OR2AG2: variants seen among roughly 807,000 people sequenced by gnomAD.
OR2AG2 encodes olfactory receptor 2AG2.
For synonymous variants in OR2AG2, 167 were observed against 157.1 expected, an observed-to-expected ratio of 1.06 and a Z score of -0.47; for missense variants, 390 against 391.9, an observed-to-expected ratio of 1.00 and a Z score of 0.04.
chr11:6,766,958 A>C lies in OR2AG2; in HGVS notation c.*1049T>G, dbSNP rs1847381663. 2.0e-5 allele frequency: 3 copies of C among 152,148 alleles called. No individual in the cohort carries two copies. The highest frequency in any genetic ancestry group is 7.2e-5 in the African/African-American group (3 of 41,462). 9.4% of individuals were successfully genotyped at this position (152,148 alleles called of 1,614,324 possible). ...AAACTGGTACTTTCAATTCTATTTT[A>C]TTCATTCTTTATTTTAGTTTTAATT... On this transcript the variant is annotated 3_prime_UTR_variant, in exon 2 of 2. Transcript: ENST00000641124.
rs756956653 is a variant in OR2AG2, at chr11:6,768,525, C to G, written c.433G>C (p.Val145Leu). The G allele has an allele frequency of 6.2e-7, 1 of 1,613,964 alleles. No individual in the cohort carries two copies. Among genetic ancestry groups the G allele is most frequent in the Admixed American group, 1.7e-5 (1 of 59,994 alleles). Residue 145 changes from valine (V) to leucine (L), a missense_variant, in exon 2 of 2, where the codon GTG becomes CTG. Val to Leu is a conservative substitution (Grantham distance 32). Transcript: ENST00000641124. ...GATGCCAGGATCCAGGATGTGGCCA[C>G]CATGATCCAGCAGACTCTTGGGCTC... ...LMSPRVCWIM[V>L]ATSWILASLI...
At chr11:6,770,893 C>G (rs981643740) in intron 1 of OR2AG2, among the ~76,000 whole-genome samples, 1 of 152,130 alleles carries the variant, frequency 6.6e-6, no homozygotes. Flanking sequence ...TACCTACCTC[C>G]TCCCTCTGAT....
At chr11:6,769,661 G>T (rs1847428526) in intron 1 of OR2AG2, among the ~76,000 whole-genome samples, 167 bp from the exon 2 acceptor site, 1 of 152,198 alleles carries the variant, frequency 6.6e-6, no homozygotes, top group Admixed American at 6.5e-5. Flanking sequence ...GGCATGGCAG[G>T]TGTTTGTGTT....
chr11:6,771,899 C>T lies in OR2AG2; in HGVS notation c.-815G>A, dbSNP rs1483390171. On this transcript the variant is annotated 5_prime_UTR_variant, in exon 1 of 2. Coordinates refer to ENST00000641124, the MANE Select transcript of OR2AG2 (RefSeq NM_001004490.2). Reference sequence around the variant, plus strand: ...CACTGTCCTTGCGAGAAAGTCCTTACTGCTTTGGAATGGTTCTAGCTGAGT... The same window carrying T: ...CACTGTCCTTGCGAGAAAGTCCTTATTGCTTTGGAATGGTTCTAGCTGAGT... The T allele has an allele frequency of 6.6e-6, 1 of 152,234 alleles. No individual in the cohort carries two copies. The highest frequency in any genetic ancestry group is 2.4e-5 in the African/African-American group (1 of 41,450). The allele number at this position is 152,234 out of a possible 1,614,324, so 9.4% of individuals were successfully genotyped here. A position where few individuals can be genotyped will look rare whatever the true frequency, so the allele number is the denominator to read the frequency against.
chr11:6,767,939 A>G lies in OR2AG2; in HGVS notation c.*68T>C. 1 of 1,289,010 alleles carries G rather than the reference A, an allele frequency of 7.8e-7. No homozygotes were observed. The highest frequency in any genetic ancestry group is 1.1e-6 in the Non-Finnish European group (1 of 924,354). The allele number at this position is 1,289,010 out of a possible 1,614,324, so 79.8% of individuals were successfully genotyped here. Reference sequence around the variant, plus strand: ...TGAGTGAGTAGAGAATTTTATTTGGAGCAGGAATGAGTGAGTAGAGAATTT... The same window carrying G: ...TGAGTGAGTAGAGAATTTTATTTGGGGCAGGAATGAGTGAGTAGAGAATTT... On this transcript the variant is annotated 3_prime_UTR_variant, in exon 2 of 2. Coordinates refer to ENST00000641124, the MANE Select transcript of OR2AG2 (RefSeq NM_001004490.2).
In OR2AG2 at chr11:6,768,708, C is replaced by T. The variant is rs756073530; in HGVS notation, c.250G>A (p.Asp84Asn). Residue 84 changes from aspartate (D) to asparagine (N), a missense_variant, in exon 2 of 2, where the codon GAC (aspartate) becomes AAC (asparagine). Transcript: ENST00000641124. ...ATAGTGTTTTCTCTGCGCAGAAAGTCCGCAAGGGCCTTGGGAGTGACAACA... is the reference window on the plus strand; with the variant it reads ...ATAGTGTTTTCTCTGCGCAGAAAGTTCGCAAGGGCCTTGGGAGTGACAACA... ...TSVVTPKALA[D>N]FLRRENTISF... 2.5e-6 allele frequency: 4 copies of T among 1,614,180 alleles called. No homozygotes were observed. Among genetic ancestry groups the T allele is most frequent in the South Asian group, 2.2e-5 (2 of 91,080 alleles).
rs1292527888 is a variant in OR2AG2, at chr11:6,771,952, A to G, written c.-868T>C. The G allele has an allele frequency of 6.6e-6, 1 of 152,240 alleles. No individual in the cohort carries two copies. Among genetic ancestry groups the G allele is most frequent in the African/African-American group, 2.4e-5 (1 of 41,440 alleles). The allele number at this position is 152,240 out of a possible 1,614,324, so 9.4% of individuals were successfully genotyped here. A position where few individuals can be genotyped will look rare whatever the true frequency, so the allele number is the denominator to read the frequency against. On this transcript the variant is annotated 5_prime_UTR_variant, in exon 1 of 2. Transcript: ENST00000641124. The stretch of plus-strand genomic sequence containing the variant: ...TTAAGTCCAGGTCCTCAGATTTCAT[A>G]TATTCCCCTCATGCTGTGTTTCATG...
rs1217029923 is a variant in OR2AG2 at position 6,766,085 on chromosome 11, T to G, written c.*1922A>C. On this transcript the variant is annotated 3_prime_UTR_variant, in exon 2 of 2. Coordinates refer to ENST00000641124, the MANE Select transcript of OR2AG2 (RefSeq NM_001004490.2). Reference sequence around the variant, plus strand: ...AGCAGCCAAAATGTTTTAAGCACAGTTTACTAAGCTGTGGTCTCAGTACCT... The same window carrying G: ...AGCAGCCAAAATGTTTTAAGCACAGGTTACTAAGCTGTGGTCTCAGTACCT... The G allele has an allele frequency of 6.6e-6, 1 of 152,152 alleles. No homozygotes were observed. Among genetic ancestry groups the G allele is most frequent in the Non-Finnish European group, 1.5e-5 (1 of 68,012 alleles). The allele number at this position is 152,152 out of a possible 1,614,324, so 9.4% of individuals were successfully genotyped here.
chr11:6,767,803 G>A lies in OR2AG2; in HGVS notation c.*204C>T, dbSNP rs1241397223. The A allele has an allele frequency of 3.7e-6, 2 of 534,878 alleles. No homozygotes were observed. The highest frequency in any genetic ancestry group is 6.5e-6 in the Non-Finnish European group (2 of 308,360). The allele number at this position is 534,878 out of a possible 1,614,324, so 33.1% of individuals were successfully genotyped here. On this transcript the variant is annotated 3_prime_UTR_variant, in exon 2 of 2. Transcript: ENST00000641124. Reference sequence around the variant, plus strand: ...CATGGGTTTCCAAAGTCAGGATGATGTGTGCCAAATGAGTTTAACTCAAGA... The same window carrying A: ...CATGGGTTTCCAAAGTCAGGATGATATGTGCCAAATGAGTTTAACTCAAGA...
chr11:6,770,517 T>C (rs1847437234), intron 1 of OR2AG2, among the ~76,000 whole-genome samples: 2 of 151,868 alleles, frequency 1.3e-5, no homozygotes, highest in Admixed American at 1.3e-4. Context: ...CCCAGAAAAA[T>C]ACCCTGTATA....
rs772748020 is a variant in OR2AG2, at chr11:6,768,225, G to T, written c.733C>A (p.Leu245Met). The T allele has an allele frequency of 5.6e-6, 9 of 1,614,188 alleles. No individual in the cohort carries two copies. In the South Asian group the frequency reaches 9.9e-5, roughly 18 times the overall value. Reference sequence around the variant, plus strand: ...CCATAGAACATCCCGACCACAATCAGGTGGGAAGAGCAGGTGACAAGGGCT... The same window carrying T: ...CCATAGAACATCCCGACCACAATCATGTGGGAAGAGCAGGTGACAAGGGCT... ...KKALVTCSSH[L>M]IVVGMFYGAA... The change falls in exon 2 of 2, where the codon CTG (leucine) becomes ATG (methionine). Residue 245 changes from leucine (L) to methionine (M), a missense_variant. By Grantham distance (15) the Leu-to-Met change is conservative. Transcript: ENST00000641124.
In OR2AG2 at chr11:6,769,131, G is replaced by C. The variant is rs1201324817; in HGVS notation, c.-174C>G. Reference sequence around the variant, plus strand: ...CCTCTGATTTCTGAATGCTTTTATTGAAATAAACCATCAGCTAAACTGGTA... The same window carrying C: ...CCTCTGATTTCTGAATGCTTTTATTCAAATAAACCATCAGCTAAACTGGTA... On this transcript the variant is annotated 5_prime_UTR_variant, in exon 2 of 2. Coordinates refer to ENST00000641124, the MANE Select transcript of OR2AG2 (RefSeq NM_001004490.2). The C allele has an allele frequency of 5.4e-6, 3 of 551,072 alleles. No individual in the cohort carries two copies. The African/African-American group carries it at 5.6e-5, about 10-fold the overall frequency. 34.1% of individuals were successfully genotyped at this position (551,072 alleles called of 1,614,324 possible). A position where few individuals can be genotyped will look rare whatever the true frequency, so the allele number is the denominator to read the frequency against.
Position 6,768,094 on chromosome 11 carries a change from G to A in OR2AG2, c.864C>T (p.Leu288=). ...CCTCCTTATTCCTCAGGCTGTAGAT[G>A]AGTGGATTCAGGGCTGGAGTGACAA... is the stretch of plus-strand genomic sequence containing the variant. ...YTIVTPALNP[L]IYSLRNKEVM... Residue 288 remains leucine, a synonymous_variant, in exon 2 of 2, where the codon CTC becomes CTT. Coordinates refer to ENST00000641124, the MANE Select transcript of OR2AG2 (RefSeq NM_001004490.2). 6.2e-7 allele frequency: 1 copy of A among 1,614,128 alleles called. No individual in the cohort carries two copies. Among genetic ancestry groups the A allele is most frequent in the South Asian group, 1.1e-5 (1 of 91,080 alleles).
intron 1 of OR2AG2, 75 bp downstream of exon 1, chr11:6,771,547 G>A (rs1026353876): frequency 6.6e-6 from 1 of 152,316 alleles, no homozygotes; most frequent in African/African-American, 2.4e-5. Flanking sequence ...AAGGAGAGCA[G>A]TGTAAGGTCT....
chr11:6,769,251 T>C lies in OR2AG2; in HGVS notation c.-294A>G, dbSNP rs746535184. The C allele has an allele frequency of 7.2e-5, 22 of 306,722 alleles. 1 individual carries two copies. The highest frequency in any genetic ancestry group is 1.3e-4 in the Admixed American group (3 of 22,430). 19.0% of individuals were successfully genotyped at this position (306,722 alleles called of 1,614,324 possible). A position where few individuals can be genotyped will look rare whatever the true frequency, so the allele number is the denominator to read the frequency against. On this transcript the variant is annotated 5_prime_UTR_variant, in exon 2 of 2. Coordinates refer to ENST00000641124, the MANE Select transcript of OR2AG2 (RefSeq NM_001004490.2). The stretch of plus-strand genomic sequence containing the variant: ...AAGCCCAAGCAAACATCTTTGTAGA[T>C]AGATGAAAGCATCTCTTTCTTCACA...
chr11:6,767,971 GA>G lies in OR2AG2; in HGVS notation c.*35del, dbSNP rs1564898063. The G allele has an allele frequency of 6.5e-7, 1 of 1,527,954 alleles. No homozygotes were observed. Among genetic ancestry groups the G allele is most frequent in the Admixed American group, 1.9e-5 (1 of 53,254 alleles). 94.6% of individuals were successfully genotyped at this position (1,527,954 alleles called of 1,614,324 possible). On this transcript the variant is annotated 3_prime_UTR_variant, in exon 2 of 2. Transcript: ENST00000641124. ...ATGAGTGAGTAGAGAATTTTATCTG[GA>G]GGAGGAATGGTGAGAGGCAAGCCAT...
chr11:6,767,368 G>A lies in OR2AG2; in HGVS notation c.*639C>T, dbSNP rs7949226. The A allele has an allele frequency of 0.64, 97,241 of 152,008 alleles. 32,116 individuals are homozygous for A. Among genetic ancestry groups the A allele is most frequent in the Middle Eastern group, 0.82 (241 of 294 alleles). The allele number at this position is 152,008 out of a possible 1,614,324, so 9.4% of individuals were successfully genotyped here. On this transcript the variant is annotated 3_prime_UTR_variant, in exon 2 of 2. Transcript: ENST00000641124. ...TTGGATTACAGGCGTGAGCTACTGC[G>A]CCTGGCCACACTCTTTCAATGTAAT...
At chr11:6,769,764 A>G (rs1445261223) in intron 1 of OR2AG2, among the ~76,000 whole-genome samples, 1 of 152,152 alleles carries the variant, frequency 6.6e-6, no homozygotes, top group Non-Finnish European at 1.5e-5. Context: ...ACAGCAACAC[A>G]CACAAGGTGA....
rs769407555 is a variant in OR2AG2, at chr11:6,768,993, T to C, written c.-36A>G. On this transcript the variant is annotated 5_prime_UTR_variant, in exon 2 of 2. The change creates a new upstream start codon in the 5' untranslated region. Coordinates refer to ENST00000641124, the MANE Select transcript of OR2AG2 (RefSeq NM_001004490.2). ...TTTAGTTGCCTAGAACCAAATATAT[T>C]ATCAGTGGAAGCTTTTCTAAAGGTG... is the stretch of plus-strand genomic sequence containing the variant. 6.8e-7 allele frequency: 1 copy of C among 1,480,100 alleles called. No individual in the cohort carries two copies. The highest frequency in any genetic ancestry group is 1.4e-5 in the African/African-American group (1 of 72,064). The allele number at this position is 1,480,100 out of a possible 1,614,324, so 91.7% of individuals were successfully genotyped here. A position where few individuals can be genotyped will look rare whatever the true frequency, so the allele number is the denominator to read the frequency against.
Sources: allele counts gnomAD v4.1 joint callset (sites outside exome capture counted in the v4.1 genomes callset), GRCh38; gene constraint gnomAD v4.1.1; transcripts MANE v1.5; gene names NCBI Gene and HGNC (gene_info 2026-07-23, HGNC 2026-07-21).